The following DACH2 variants were observed in gnomAD, a reference collection of about 807,000 sequenced individuals.
DACH2 encodes dachshund family transcription factor 2, also known as dachshund homolog 2.
In DACH2, 17 loss-of-function variants were observed where a neutral mutation model predicts 35.8. The observed-to-expected ratio is 0.48, with a 90% CI of 0.33 to 0.71. DACH2 has a LOEUF of 0.71. Ranked by LOEUF, DACH2 falls within the 30% of genes least tolerant of loss-of-function variation. DACH2 has a pLI of 0.02. For synonymous variants in DACH2, 195 were observed against 177.3 expected, an observed-to-expected ratio of 1.10 and a Z score of -0.79; for missense variants, 469 against 472.7, an observed-to-expected ratio of 0.99 and a Z score of 0.07.
At chrX:86,221,624 T>C (rs1308106710) in intron 1 of DACH2, among the ~76,000 whole-genome samples, 1 of 112,032 alleles carries the variant, frequency 8.9e-6, no homozygotes, top group Non-Finnish European at 1.9e-5. Flanking sequence ...GGGTGTAACA[T>C]TAAATCTCTC....
chrX:86,798,332 A>G (rs1195587503), intron 7 of DACH2, among the ~76,000 whole-genome samples: 1 of 112,345 alleles, frequency 8.9e-6, no homozygotes, highest in Non-Finnish European at 1.9e-5. Flanking sequence ...ACAAGTCACT[A>G]AAAAACAAAC....
intron 2 of DACH2, among the ~76,000 whole-genome samples, chrX:86,467,623 G>C (rs1481470862): frequency 9.0e-6 from 1 of 111,120 alleles, no homozygotes; most frequent in Admixed American, 9.7e-5. Context: ...TGGCCTTATA[G>C]CAGCACCCCA....
intron 3 of DACH2, among the ~76,000 whole-genome samples, chrX:86,623,754 T>C (rs1346258212): frequency 1.8e-5 from 2 of 110,594 alleles, no homozygotes; most frequent in Non-Finnish European, 3.8e-5. Flanking sequence ...AATACAGACC[T>C]ATTAAAAAGT....
At chrX:86,440,164 A>G (rs1462350129) in intron 2 of DACH2, among the ~76,000 whole-genome samples, 1 of 111,638 alleles carries the variant, frequency 9.0e-6, no homozygotes, top group Non-Finnish European at 1.9e-5. Flanking sequence ...GAATTCAACT[A>G]TGTCCTTACT....
intron 2 of DACH2, chrX:86,512,781 C>G (rs959540511): frequency 8.0e-6 from 2 of 248,974 alleles, no homozygotes; most frequent in Non-Finnish European, 1.5e-5. Context: ...ATATTGGGAT[C>G]CTTTAGGACA....
intron 1 of DACH2, among the ~76,000 whole-genome samples, chrX:86,242,258 G>A (rs1325446291): frequency 8.9e-6 from 1 of 112,268 alleles, no homozygotes; most frequent in Non-Finnish European, 1.9e-5. Context: ...ACAGGGGTGG[G>A]GCTTCCCAAG....
chrX:86,765,697 G>GGTTTTTTTTTTTTTTTTTTTTTTT (rs2041925770), intron 7 of DACH2, among the ~76,000 whole-genome samples: 1 of 35,233 alleles, frequency 2.8e-5, no homozygotes, highest in Non-Finnish European at 5.2e-5. Context: ...GTTGTTTTTT[G>GGTTTTTTTTTTTTTTTTTTTTTTT]GTTTTTTTTT....
At chrX:86,707,973 G>T (rs368249656) in intron 5 of DACH2, among the ~76,000 whole-genome samples, 1 of 101,916 alleles carries the variant, frequency 9.8e-6, no homozygotes, top group Non-Finnish European at 2.0e-5. Flanking sequence ...AGTATGCAAC[G>T]GTAGCTCAAC....
chrX:86,412,345 T>C (rs190879426), intron 2 of DACH2, among the ~76,000 whole-genome samples: 117 of 111,775 alleles, frequency 1.0e-3, no homozygotes, highest in African/African-American at 3.6e-3. Flanking sequence ...CCAGGACTTA[T>C]GAATCCTGGC....
At chrX:86,149,222 C>A (rs1450593839) in intron 1 of DACH2, 114 bp downstream of exon 1, 3 of 884,249 alleles carry the variant, frequency 3.4e-6, no homozygotes, top group Non-Finnish European at 1.5e-6. Flanking sequence ...TAGTTTGCCT[C>A]TATTCTTCAC....
chrX:86,652,414 G>A (rs776637095), intron 4 of DACH2, among the ~76,000 whole-genome samples: 13 of 112,296 alleles, frequency 1.2e-4, no homozygotes, highest in Non-Finnish European at 1.9e-4. Context: ...ACATATGTGC[G>A]TGTGTGTCTT....
rs189480926 is a variant in DACH2 at position 86,764,554 on chromosome X, T to A, written c.1240+24672T>A. Among the ~76,000 whole-genome samples the A allele has an allele frequency of 5.6e-3, 624 of 111,997 alleles. 3 individuals are homozygous for A. The highest frequency in any genetic ancestry group is 0.019 in the African/African-American group (588 of 30,830). On this transcript the variant is annotated intron_variant, in intron 7 of 11. Transcript: ENST00000373125. ...TCTATCCATGTTGTTGCAAAGGACA[T>A]AATTTTATTCTTTTTTTATGGCTGG...
chrX:86,246,279 G>GTT (rs72541349), intron 1 of DACH2, among the ~76,000 whole-genome samples: 8 of 67,735 alleles, frequency 1.2e-4, no homozygotes, highest in Non-Finnish European at 1.7e-4. Context: ...TCCCAAACTT[G>GTT]CGAGAGGTCA....
At chrX:86,296,899 G>A (rs1390031963) in intron 1 of DACH2, among the ~76,000 whole-genome samples, 1 of 109,810 alleles carries the variant, frequency 9.1e-6, no homozygotes, top group Non-Finnish European at 1.9e-5. Context: ...TTGGTAGATA[G>A]TGAACTAAGA....
At position 86,749,959 on chromosome X, in the gene DACH2, A is replaced by T. The variant is rs954869736; in HGVS notation, c.1240+10077A>T. 5.4e-5 allele frequency among the ~76,000 whole-genome samples: 6 copies of T among 110,825 alleles called. No individual in the cohort carries two copies. The East Asian group carries it at 8.5e-4, about 16-fold the overall frequency. ...AACTTTATTAATTTTTTTAGCTTTA[A>T]TGGTTTTATATAGATTCTTTACAAT... On this transcript the variant is annotated intron_variant, in intron 7 of 11. Transcript: ENST00000373125.
At chrX:86,315,654 C>T (rs2034885762) in intron 1 of DACH2, among the ~76,000 whole-genome samples, 1 of 110,723 alleles carries the variant, frequency 9.0e-6, no homozygotes, top group Admixed American at 9.7e-5. Context: ...AAGTTGATTC[C>T]AGCCCTCAGG....
At chrX:86,369,718 G>C (rs902158761) in intron 1 of DACH2, among the ~76,000 whole-genome samples, 1 of 111,222 alleles carries the variant, frequency 9.0e-6, no homozygotes, top group Admixed American at 9.6e-5. Flanking sequence ...TTATTTTCAT[G>C]AATAGCTTTA....
At chrX:86,727,709 A>G (rs2041486260) in intron 6 of DACH2, among the ~76,000 whole-genome samples, 1 of 111,104 alleles carries the variant, frequency 9.0e-6, no homozygotes, top group African/African-American at 3.3e-5. Flanking sequence ...TGCTCCGGTC[A>G]TGTGATGTGC....
chrX:86,403,246 C>T (rs1046054140), intron 2 of DACH2, among the ~76,000 whole-genome samples: 1 of 111,742 alleles, frequency 8.9e-6, no homozygotes, highest in Non-Finnish European at 1.9e-5. Flanking sequence ...AGTAAACAGG[C>T]AAACTACAGA....
Sources: allele counts gnomAD v4.1 joint callset (sites outside exome capture counted in the v4.1 genomes callset), GRCh38; gene constraint gnomAD v4.1.1; transcripts MANE v1.5; gene names NCBI Gene and HGNC (gene_info 2026-07-23, HGNC 2026-07-21).